Variants in ARSB observed in about 807,000 individuals in gnomAD.
The protein encoded by ARSB is arylsulfatase B.
Under a neutral mutation model 50.9 loss-of-function variants are expected in ARSB, and 41 were observed. The ratio of observed to expected loss-of-function variants is 0.81; its 90% CI spans 0.63 to 1.04. The LOEUF (loss-of-function observed/expected upper bound fraction) is 1.04, where lower values mean the gene tolerates loss of function less well. Ranked by LOEUF, ARSB falls within the 50% of genes least tolerant of loss-of-function variation. The pLI is 0.00. For missense variants in ARSB, 672 were observed against 693.3 expected (o/e 0.97, Z 0.35); for synonymous variants, 269 against 284.8 (o/e 0.94, Z 0.56).
chr5:78,897,196 C>T (rs532279635), intron 4 of ARSB, among the ~76,000 whole-genome samples: 7 of 152,146 alleles, frequency 4.6e-5, no homozygotes, highest in Non-Finnish European at 1.0e-4. Flanking sequence ...AAATTGTAAA[C>T]AAGCTTTTAA....
intron 4 of ARSB, among the ~76,000 whole-genome samples, chr5:78,953,798 G>T (rs1011115478): frequency 3.3e-5 from 5 of 152,006 alleles, no homozygotes; most frequent in Admixed American, 3.3e-4. Flanking sequence ...CTGAAAAAAA[G>T]AACTCAAAAG....
At chr5:78,983,874 G>A (rs1289564901) in intron 1 of ARSB, among the ~76,000 whole-genome samples, 1 of 152,132 alleles carries the variant, frequency 6.6e-6, no homozygotes, top group African/African-American at 2.4e-5. Flanking sequence ...TATATCCCCT[G>A]TCAGTAGCAC....
At chr5:78,980,755 T>TGTGTGTGTGTGTG (rs1561539912) in intron 1 of ARSB, among the ~76,000 whole-genome samples, 1 of 151,904 alleles carries the variant, frequency 6.6e-6, no homozygotes, top group African/African-American at 2.4e-5. Context: ...TGTGTGTGTG[T>TGTGTGTGTGTGTG]TTTGGTAGAT....
chr5:78,787,042 G>T (rs1393482640), intron 6 of ARSB, among the ~76,000 whole-genome samples: 1 of 151,974 alleles, frequency 6.6e-6, no homozygotes, highest in Non-Finnish European at 1.5e-5. Context: ...TTTATTTCTG[G>T]ACTCTCGATG....
chr5:78,920,571 C>T (rs573001546), intron 4 of ARSB, among the ~76,000 whole-genome samples: 20 of 152,200 alleles, frequency 1.3e-4, no homozygotes, highest in African/African-American at 3.4e-4. Flanking sequence ...ATACCTGCGG[C>T]GGGTTATCAG....
chr5:78,889,771 G>T (rs937666694), intron 4 of ARSB, among the ~76,000 whole-genome samples: 4 of 152,150 alleles, frequency 2.6e-5, no homozygotes, highest in African/African-American at 9.7e-5. Flanking sequence ...CATGACAACA[G>T]CATTAATTTT....
At chr5:78,837,583 A>G (rs2112713633) in intron 6 of ARSB, among the ~76,000 whole-genome samples, 1 of 152,356 alleles carries the variant, frequency 6.6e-6, no homozygotes, top group Non-Finnish European at 1.5e-5. Flanking sequence ...TAAATTTTCT[A>G]TTAGCCACAT....
chr5:78,900,965 G>T (rs1374033843), intron 4 of ARSB, among the ~76,000 whole-genome samples: 1 of 150,392 alleles, frequency 6.6e-6, no homozygotes, highest in East Asian at 2.0e-4. Context: ...TGTGAACCCG[G>T]GACCTGGGAG....
chr5:78,834,322 C>T (rs886229049), intron 6 of ARSB, among the ~76,000 whole-genome samples: 8 of 151,810 alleles, frequency 5.3e-5, no homozygotes, highest in African/African-American at 1.9e-4. Flanking sequence ...GGTCCAGTGG[C>T]ATTAAATACA....
chr5:78,924,948 A>G (rs554894961), intron 4 of ARSB, among the ~76,000 whole-genome samples: 62 of 152,184 alleles, frequency 4.1e-4, no homozygotes, highest in Non-Finnish European at 7.2e-4. Flanking sequence ...ACCGACCATT[A>G]TTTTCACACC....
intron 6 of ARSB, chr5:78,815,798 T>C: frequency 8.0e-7 from 1 of 1,257,772 alleles, no homozygotes. Context: ...ACAAAGAACT[T>C]TGGTCTATGA....
intron 4 of ARSB, among the ~76,000 whole-genome samples, chr5:78,925,609 T>C (rs1031876589): frequency 6.6e-6 from 1 of 152,214 alleles, no homozygotes; most frequent in Admixed American, 6.5e-5. Flanking sequence ...GAAAAAGGAA[T>C]GCCCCTAAAA....
intron 5 of ARSB, chr5:78,885,345 G>T (rs1747960497): frequency 1.8e-6 from 1 of 571,280 alleles, no homozygotes. Context: ...ACCTTCCATG[G>T]AGGGCGATGG....
At chr5:78,805,917 AGCTT>A (rs972030362) in intron 6 of ARSB, among the ~76,000 whole-genome samples, 14 of 152,334 alleles carry the variant, frequency 9.2e-5, no homozygotes, top group African/African-American at 3.4e-4. Flanking sequence ...AGGCACTGTG[AGCTT>A]GGGCTCCCAG....
At chr5:78,914,401 G>T (rs1051072886) in intron 4 of ARSB, among the ~76,000 whole-genome samples, 1 of 151,762 alleles carries the variant, frequency 6.6e-6, no homozygotes, top group Non-Finnish European at 1.5e-5. Flanking sequence ...AGTCTAATCT[G>T]GTAATCCAAA....
In ARSB at chr5:78,780,650, C is replaced by T; in HGVS notation, c.1349G>A (p.Trp450Ter). Reference protein sequence around the residue: ...LLTGYPGCGYWFPPPSQYNVS... With the variant: ...LLTGYPGCGY ...ATTGTATTGAGACGGTGGAGGGAAC[C>T]AGTAACCACAGCCTAGCAAAGAAAA... Residue 450 changes from tryptophan (W) to a stop codon, truncating the protein, a stop_gained, in exon 8 of 8, where the codon TGG (tryptophan) becomes TAG (stop). Transcript: ENST00000264914. LOFTEE classifies it high-confidence loss of function. The T allele has an allele frequency of 1.2e-6, 2 of 1,614,010 alleles. No homozygotes were observed. Among genetic ancestry groups the T allele is most frequent in the African/African-American group, 1.3e-5 (1 of 74,982 alleles).
chr5:78,930,191 G>C (rs77148397), intron 4 of ARSB, among the ~76,000 whole-genome samples: 3,755 of 152,276 alleles, frequency 0.025, 162 homozygotes, highest in African/African-American at 0.084. Context: ...CCTACGGCCA[G>C]CACTGTCAGC....
At position 78,968,639 on chromosome 5, in the gene ARSB, G is replaced by A. The variant is rs190893804; in HGVS notation, c.499+367C>T. On this transcript the variant is annotated intron_variant, in intron 2 of 7. Transcript: ENST00000264914. ...GCTGGGATTACAGGCGTGAGCCACCGCACCCAGCCTGGAAATATTCTTACA... is the reference window on the plus strand; with the variant it reads ...GCTGGGATTACAGGCGTGAGCCACCACACCCAGCCTGGAAATATTCTTACA... Among the ~76,000 whole-genome samples the A allele has an allele frequency of 9.9e-5, 15 of 152,098 alleles. No individual in the cohort carries two copies. In the East Asian group the frequency reaches 1.5e-3, roughly 16 times the overall value.
chr5:78,835,751 T>C (rs1014932458), intron 6 of ARSB, among the ~76,000 whole-genome samples: 2 of 152,170 alleles, frequency 1.3e-5, no homozygotes, highest in African/African-American at 4.8e-5. Flanking sequence ...CCCATTCATA[T>C]AGAGACCCAC....
Sources: gnomAD v4.1 joint callset for allele counts (sites outside exome capture counted in the v4.1 genomes callset) on GRCh38, gnomAD v4.1.1 for gene constraint, MANE v1.5 for transcripts, NCBI Gene and HGNC (gene_info 2026-07-23, HGNC 2026-07-21) for gene names.